The following EFR3B variants were observed in gnomAD, a reference collection of about 807,000 sequenced individuals.
EFR3B encodes the protein EFR3 homolog B.
Under a neutral mutation model 104.7 loss-of-function variants are expected in EFR3B, and 64 were observed. The ratio of observed to expected loss-of-function variants is 0.61; its 90% CI spans 0.50 to 0.75. The LOEUF (loss-of-function observed/expected upper bound fraction) is 0.75. EFR3B is among the 30% of genes least tolerant of loss of function. EFR3B has a pLI of 0.00. For synonymous variants in EFR3B, 385 were observed against 417.9 expected (o/e 0.92, Z 0.96); for missense variants, 750 against 1,078.5 (o/e 0.70, Z 4.27).
intron 1 of EFR3B, among the ~76,000 whole-genome samples, chr2:25,089,819 C>G (rs1037992107): frequency 6.6e-6 from 1 of 152,098 alleles, no homozygotes; most frequent in Non-Finnish European, 1.5e-5. Context: ...CTGCCTGGTC[C>G]CTTCTGTGCT....
chr2:25,103,715 G>T lies in EFR3B; in HGVS notation c.291G>T (p.Glu97Asp). ...GCCAGAGCATCAACCTCTTCGTGGA[G>T]AGCTTCCTCAAGATGGTGGCCAAGC... The part of the protein sequence containing the change: ...CHCQSINLFV[E>D]SFLKMVAKLL... Residue 97 changes from glutamate (E) to aspartate (D), a missense_variant, in exon 4 of 23, where the codon GAG (glutamate) becomes GAT (aspartate). By Grantham distance (45) the Glu-to-Asp change is conservative (BLOSUM62 2). Transcript: ENST00000403714. The T allele has an allele frequency of 6.4e-7, 1 of 1,551,726 alleles. No homozygotes were observed. The highest frequency in any genetic ancestry group is 8.7e-7 in the Non-Finnish European group (1 of 1,146,976).
chr2:25,091,953 C>T (rs1194236680), intron 2 of EFR3B, among the ~76,000 whole-genome samples: 2 of 152,148 alleles, frequency 1.3e-5, no homozygotes, highest in Non-Finnish European at 2.9e-5. Context: ...GACTTGCTCT[C>T]TGGGAACCAA....
chr2:25,081,998 G>A (rs1193289362), intron 1 of EFR3B, among the ~76,000 whole-genome samples: 1 of 152,180 alleles, frequency 6.6e-6, no homozygotes, highest in East Asian at 1.9e-4. Context: ...CAGGCAAACA[G>A]GATCCAGCAA....
chr2:25,061,822 A>AAT lies in EFR3B; in HGVS notation c.7+19503_7+19504insAT, dbSNP rs1216644667. ...ACTTGTTAAAAAAAAAAAACAAAAA[A>AAT]CTAATGCCACACCAGGGAGCCAGCC... On this transcript the variant is annotated intron_variant, in intron 1 of 22. Coordinates refer to ENST00000403714, the MANE Select transcript of EFR3B (RefSeq NM_014971.2). Among the ~76,000 whole-genome samples the AAT allele has an allele frequency of 1.8e-3, 268 of 152,148 alleles. 1 individual carries two copies. The highest frequency in any genetic ancestry group is 5.9e-3 in the African/African-American group (244 of 41,552).
Position 25,092,887 on chromosome 2 carries a change from C to T in EFR3B, c.85-116C>T, listed in dbSNP as rs1478327549. 8 of 1,310,472 alleles carry T rather than the reference C, an allele frequency of 6.1e-6. No homozygotes were observed. In the African/African-American group the frequency reaches 8.9e-5, roughly 15 times the overall value. 81.2% of individuals were successfully genotyped at this position (1,310,472 alleles called of 1,614,324 possible). On this transcript the variant is annotated intron_variant, in intron 2 of 22. Coordinates refer to ENST00000403714, the MANE Select transcript of EFR3B (RefSeq NM_014971.2). The stretch of plus-strand genomic sequence containing the variant: ...TCTGAAACCCACATGTGCTCCGGCA[C>T]ATCCATAAAGGACACTCTGTAAATG...
chr2:25,073,257 C>G (rs575818706), intron 1 of EFR3B, among the ~76,000 whole-genome samples: 1 of 152,264 alleles, frequency 6.6e-6, no homozygotes, highest in South Asian at 2.1e-4. Context: ...GCACACCTGC[C>G]TGAGGTCACA....
At chr2:25,151,297 C>G (rs1012078329) in intron 20 of EFR3B, among the ~76,000 whole-genome samples, 3 of 151,954 alleles carry the variant, frequency 2.0e-5, no homozygotes, top group African/African-American at 7.3e-5. Flanking sequence ...GCTCTGTCAC[C>G]CAGGCTAGAG....
At chr2:25,103,556 C>G in intron 3 of EFR3B, 81 bp from the exon 4 acceptor site, 1 of 1,492,750 alleles carries the variant, frequency 6.7e-7, no homozygotes, top group Non-Finnish European at 9.0e-7. Context: ...CCCAGGTCAC[C>G]ACACTGACAC....
intron 1 of EFR3B, chr2:25,081,534 A>G: frequency 9.0e-7 from 1 of 1,106,446 alleles, no homozygotes; most frequent in East Asian, 2.3e-5. Flanking sequence ...GTAGTGAGAG[A>G]TTCCTGTGCT....
chr2:25,104,807 T>C (rs1162974679), intron 4 of EFR3B, among the ~76,000 whole-genome samples: 1 of 152,216 alleles, frequency 6.6e-6, no homozygotes, highest in African/African-American at 2.4e-5. Flanking sequence ...ATCAGTACCA[T>C]GAGCAGGTTC....
chr2:25,128,684 C>T (rs1357758354), intron 6 of EFR3B, among the ~76,000 whole-genome samples: 1 of 152,000 alleles, frequency 6.6e-6, no homozygotes, highest in South Asian at 2.1e-4. Context: ...GTGGGCCGGG[C>T]GCGGTGGCTC....
rs149863518 is a variant in EFR3B at position 25,074,911 on chromosome 2, C to T, written c.8-16414C>T. Among the ~76,000 whole-genome samples the T allele has an allele frequency of 2.3e-3, 352 of 152,348 alleles. 2 individuals are homozygous for T. The highest frequency in any genetic ancestry group is 6.8e-3 in the Middle Eastern group (2 of 294). On this transcript the variant is annotated intron_variant, in intron 1 of 22. Transcript: ENST00000403714. ...GGATTATAGGCATAAGCCACCATGC[C>T]TGGCCTATCTGCCAACTTTTTAAAA... is the stretch of plus-strand genomic sequence containing the variant.
intron 1 of EFR3B, among the ~76,000 whole-genome samples, chr2:25,055,582 T>C (rs1191858201): frequency 1.3e-5 from 2 of 152,210 alleles, no homozygotes; most frequent in African/African-American, 4.8e-5. Context: ...TTGTCGTAGC[T>C]ATTCATAAAG....
At chr2:25,144,563 A>G (rs1670763075) in intron 18 of EFR3B, among the ~76,000 whole-genome samples, 1 of 152,090 alleles carries the variant, frequency 6.6e-6, no homozygotes, top group Non-Finnish European at 1.5e-5. Context: ...CAAAAAAACA[A>G]AAACAATAGC....
chr2:25,087,114 G>A (rs901135835), intron 1 of EFR3B, among the ~76,000 whole-genome samples: 4 of 152,142 alleles, frequency 2.6e-5, no homozygotes, highest in African/African-American at 9.7e-5. Flanking sequence ...GAGGAGAAGT[G>A]CAGAGTGAAG....
chr2:25,078,182 C>T (rs538561884), intron 1 of EFR3B, among the ~76,000 whole-genome samples: 1 of 152,292 alleles, frequency 6.6e-6, no homozygotes, highest in East Asian at 1.9e-4. Context: ...CAGCAAGTGC[C>T]CTGCGAACTG....
intron 1 of EFR3B, among the ~76,000 whole-genome samples, chr2:25,074,809 GT>G (rs1362842227): frequency 2.8e-4 from 42 of 151,868 alleles, no homozygotes; most frequent in Non-Finnish European, 5.4e-4. Context: ...TAGAGATGGG[GT>G]TTTACCATGT....
intron 4 of EFR3B, among the ~76,000 whole-genome samples, chr2:25,115,203 A>G (rs939283149): frequency 1.3e-5 from 2 of 152,070 alleles, no homozygotes; most frequent in African/African-American, 4.8e-5. Flanking sequence ...AAGAAAAGAA[A>G]ATGCAGATAC....
intron 1 of EFR3B, among the ~76,000 whole-genome samples, chr2:25,068,632 T>TG (rs1464554636): frequency 1.5e-5 from 2 of 136,422 alleles, no homozygotes; most frequent in African/African-American, 2.7e-5. Flanking sequence ...GTTTTTTTTA[T>TG]GTTTTTTTTT....
Sources: allele counts gnomAD v4.1 joint callset (sites outside exome capture counted in the v4.1 genomes callset), GRCh38; gene constraint gnomAD v4.1.1; transcripts MANE v1.5; gene names NCBI Gene and HGNC (gene_info 2026-07-23, HGNC 2026-07-21).